Variants in NFIC observed in about 807,000 individuals in gnomAD.
NFIC encodes nuclear factor I C, also known as nuclear factor 1 C-type.
NFIC carries 12 observed loss-of-function variants against 54.4 expected under a neutral mutation model. That is an observed-to-expected ratio of 0.22 (90% CI 0.14 to 0.36). The LOEUF is 0.36. Ranked by LOEUF, NFIC falls within the 10% of genes least tolerant of loss-of-function variation. The pLI is 1.00. For missense variants in NFIC, 575 were observed against 718.2 expected (o/e 0.80, Z 2.28); for synonymous variants, 322 against 319.2 (o/e 1.01, Z -0.09).
chr19:3,410,241 C>T (rs1023242770), intron 2 of NFIC, among the ~76,000 whole-genome samples: 13 of 152,246 alleles, frequency 8.5e-5, no homozygotes, highest in Admixed American at 2.0e-4. Flanking sequence ...GGGGTTTTAC[C>T]GTGTTAGCTA....
chr19:3,366,611 G>C lies in NFIC; in HGVS notation c.-26G>C. On this transcript the variant is annotated 5_prime_UTR_variant, in exon 1 of 11. Transcript: ENST00000443272. ...AAGTTCAGCGCGCCCGCTCCGGCCG[G>C]CCCTGCGCCTCCCGCCGCGCCCGGG... The C allele has an allele frequency of 3.4e-6, 5 of 1,483,122 alleles. No homozygotes were observed. Among genetic ancestry groups the C allele is most frequent in the Non-Finnish European group, 4.5e-6 (5 of 1,114,702 alleles). 91.9% of individuals were successfully genotyped at this position (1,483,122 alleles called of 1,614,324 possible). A position where few individuals can be genotyped will look rare whatever the true frequency, so the allele number is the denominator to read the frequency against.
intron 2 of NFIC, among the ~76,000 whole-genome samples, chr19:3,399,158 C>G (rs1243721266): frequency 6.6e-6 from 1 of 152,200 alleles, no homozygotes; most frequent in Non-Finnish European, 1.5e-5. Context: ...GGTCCTGGCC[C>G]TGCTGCCTGT....
intron 6 of NFIC, 150 bp downstream of exon 6, chr19:3,435,357 T>A (rs2082184222): frequency 8.4e-7 from 1 of 1,192,588 alleles, no homozygotes; most frequent in Admixed American, 3.1e-5. Context: ...CGTCCCGAGC[T>A]GCGCTTGGCT....
In NFIC at chr19:3,433,609, G is replaced by A. The variant is rs1196383007; in HGVS notation, c.709+17G>A. The A allele has an allele frequency of 6.2e-7, 1 of 1,612,722 alleles. No individual in the cohort carries two copies. The highest frequency in any genetic ancestry group is 1.7e-5 in the Admixed American group (1 of 59,964). On this transcript the variant is annotated intron_variant, in intron 4 of 10. Transcript: ENST00000443272. Reference sequence around the variant, plus strand: ...TGTCCCGGAGTGAGTGTTCCCGTCAGCCCTGAGCTGGGTCTTGGAGAGGGG... The same window carrying A: ...TGTCCCGGAGTGAGTGTTCCCGTCAACCCTGAGCTGGGTCTTGGAGAGGGG...
At chr19:3,444,999 TCA>T (rs1221971262) in intron 6 of NFIC, among the ~76,000 whole-genome samples, 11 of 151,836 alleles carry the variant, frequency 7.2e-5, no homozygotes, top group Admixed American at 5.9e-4. Flanking sequence ...ATGTGCGCAT[TCA>T]CACACATAGA....
chr19:3,383,048 G>A (rs1222732640), intron 2 of NFIC, among the ~76,000 whole-genome samples: 1 of 152,092 alleles, frequency 6.6e-6, no homozygotes, highest in Non-Finnish European at 1.5e-5. Flanking sequence ...TCAGGGGGAT[G>A]AGAATGTCCT....
chr19:3,444,917 A>C (rs1188909332), intron 6 of NFIC, among the ~76,000 whole-genome samples: 1 of 152,108 alleles, frequency 6.6e-6, no homozygotes, highest in Non-Finnish European at 1.5e-5. Context: ...GTGTGCGTGC[A>C]AGCACACATA....
chr19:3,390,874 G>A (rs73522134), intron 2 of NFIC, among the ~76,000 whole-genome samples: 10,302 of 151,416 alleles, frequency 0.068, 832 homozygotes, highest in East Asian at 0.28. Context: ...GGAGGGGGCT[G>A]GGGAGAGAAT....
chr19:3,382,291 A>C (rs1395717865), intron 2 of NFIC, 48 bp downstream of exon 2: 1 of 1,573,388 alleles, frequency 6.4e-7, no homozygotes, highest in Non-Finnish European at 8.6e-7. Context: ...AGGGTGTCTG[A>C]TGGTGGTGAC....
In NFIC at chr19:3,466,857, C is replaced by G. The variant is rs1392565108; in HGVS notation, c.*4088C>G. On this transcript the variant is annotated 3_prime_UTR_variant, in exon 11 of 11. Coordinates refer to ENST00000443272, the MANE Select transcript of NFIC (RefSeq NM_001245002.2). This position sits in a 1 kb window ranked among gnomAD's most constrained non-coding sequence, Gnocchi z 4.8. ...CTTGCCTCCTTGGCTCACTTGGCAC[C>G]TTGGCTGAGTACAGCAGGCAAAAGC... The G allele has an allele frequency of 6.6e-6, 1 of 152,262 alleles. No homozygotes were observed. Among genetic ancestry groups the G allele is most frequent in the Non-Finnish European group, 1.5e-5 (1 of 68,124 alleles). The allele number at this position is 152,262 out of a possible 1,614,324, so 9.4% of individuals were successfully genotyped here.
At chr19:3,417,624 CTT>C (rs757954619) in intron 2 of NFIC, among the ~76,000 whole-genome samples, 11 of 121,626 alleles carry the variant, frequency 9.0e-5, no homozygotes, top group African/African-American at 9.7e-5. Flanking sequence ...TTTTTCTTTT[CTT>C]TTTTTTTTTT....
chr19:3,380,309 CTTTTTTTTTTTTTTT>C (rs529220524), intron 1 of NFIC, among the ~76,000 whole-genome samples: 3 of 65,148 alleles, frequency 4.6e-5, no homozygotes, highest in African/African-American at 2.1e-4. Context: ...CAGCCTTGTT[CTTTTTTTTTTTTTTT>C]TTTTTTTTTT....
chr19:3,427,610 C>T (rs142909999), intron 3 of NFIC, among the ~76,000 whole-genome samples: 5,455 of 151,690 alleles, frequency 0.036, 144 homozygotes, highest in African/African-American at 0.06. Flanking sequence ...AGGTGGATCA[C>T]CTGAGGTCAG....
intron 10 of NFIC, among the ~76,000 whole-genome samples, chr19:3,457,254 C>T (rs931138978): frequency 2.0e-5 from 3 of 152,190 alleles, no homozygotes; most frequent in East Asian, 1.9e-4. Context: ...TTCATAGTCA[C>T]GTACATGTTC....
intron 6 of NFIC, among the ~76,000 whole-genome samples, chr19:3,438,919 G>A (rs2082248590): frequency 6.6e-6 from 1 of 152,148 alleles, no homozygotes; most frequent in African/African-American, 2.4e-5. Flanking sequence ...ACAGAAGACA[G>A]TCAGGGGGAA....
intron 2 of NFIC, among the ~76,000 whole-genome samples, chr19:3,394,589 C>T (rs964324524): frequency 1.4e-4 from 19 of 135,204 alleles, no homozygotes; most frequent in Admixed American, 8.2e-4. Flanking sequence ...GGATGTCACA[C>T]GTGGCCAGGG....
chr19:3,367,968 T>C (rs1599550870), intron 1 of NFIC, among the ~76,000 whole-genome samples: 1 of 152,138 alleles, frequency 6.6e-6, no homozygotes, highest in East Asian at 1.9e-4. Flanking sequence ...ATGTGGGAGC[T>C]GGTGCTGAGG....
chr19:3,403,933 T>G (rs1307598617), intron 2 of NFIC, among the ~76,000 whole-genome samples: 4 of 152,076 alleles, frequency 2.6e-5, no homozygotes, highest in African/African-American at 9.7e-5. Flanking sequence ...ACTGATCCCT[T>G]CCGGAGCCTC....
In NFIC at chr19:3,380,479, A is replaced by G. The variant is rs186801091; in HGVS notation, c.31-1233A>G. 6.7e-3 allele frequency among the ~76,000 whole-genome samples: 1,001 copies of G among 149,690 alleles called. 10 individuals carry two copies. The highest frequency in any genetic ancestry group is 7.6e-3 in the Non-Finnish European group (510 of 67,418). On this transcript the variant is annotated intron_variant, in intron 1 of 10. Coordinates refer to ENST00000443272, the MANE Select transcript of NFIC (RefSeq NM_001245002.2). ...TAGCTGGGATTACAGGTGTGCTCCA[A>G]TATGCCTGGCTACATTTTTTTGTAT...
Sources: gnomAD v4.1 joint callset for allele counts (sites outside exome capture counted in the v4.1 genomes callset) on GRCh38, gnomAD v4.1.1 for gene constraint, Gnocchi (gnomAD v3.1) non-coding constraint, MANE v1.5 for transcripts, NCBI Gene and HGNC (gene_info 2026-07-23, HGNC 2026-07-21) for gene names.